The following COA1 variants were observed in gnomAD, a reference collection of about 807,000 sequenced individuals.
COA1 encodes cytochrome c oxidase assembly factor 1 homolog.
In COA1, 13 loss-of-function variants were observed where a neutral mutation model predicts 16.0. That is an observed-to-expected ratio of 0.81 (90% CI 0.53 to 1.29). The LOEUF (loss-of-function observed/expected upper bound fraction) is 1.29, where lower values mean the gene tolerates loss of function less well. COA1 is among the 50% of genes most tolerant of loss of function. COA1 has a pLI of 0.00. For missense variants in COA1, 179 were observed against 177.0 expected, an observed-to-expected ratio of 1.01 and a Z score of -0.06; for synonymous variants, 65 against 65.7, an observed-to-expected ratio of 0.99 and a Z score of 0.05.
intron 1 of COA1, 37 bp from the exon 2 acceptor site, chr7:43,648,689 T>G: frequency 6.6e-7 from 1 of 1,523,120 alleles, no homozygotes; most frequent in Non-Finnish European, 9.1e-7. Context: ...AAATCATATT[T>G]TTAAAGCCCA....
chr7:43,708,774 C>T (rs1435766082), intron 1 of COA1, among the ~76,000 whole-genome samples: 2 of 152,060 alleles, frequency 1.3e-5, no homozygotes, highest in South Asian at 2.1e-4. Context: ...ATTCTACTGG[C>T]CTTTTTCTCA....
At chr7:43,684,872 G>C (rs1198681525) in intron 1 of COA1, among the ~76,000 whole-genome samples, 1 of 152,148 alleles carries the variant, frequency 6.6e-6, no homozygotes, top group Non-Finnish European at 1.5e-5. Flanking sequence ...GACAGACTGA[G>C]CTCTGAAGAA....
chr7:43,660,895 A>T (rs1293862860), intron 1 of COA1, among the ~76,000 whole-genome samples: 1 of 152,142 alleles, frequency 6.6e-6, no homozygotes, highest in African/African-American at 2.4e-5. Context: ...TCCTATTCAG[A>T]ATAAAATCTA....
At chr7:43,624,664 C>G in intron 6 of COA1, 1 of 1,614,008 alleles carries the variant, frequency 6.2e-7, no homozygotes. Flanking sequence ...AATTCGGATA[C>G]CGACAAATCA....
chr7:43,611,678 T>C (rs947013115), intron 6 of COA1, among the ~76,000 whole-genome samples: 1 of 152,210 alleles, frequency 6.6e-6, no homozygotes, highest in Non-Finnish European at 1.5e-5. Flanking sequence ...GCTAATACTT[T>C]AAGTATTAGC....
Position 43,661,068 on chromosome 7 carries a change from A to G in COA1, c.-38-12416T>C, listed in dbSNP as rs549509862. On this transcript the variant is annotated intron_variant, in intron 1 of 5. Coordinates refer to ENST00000223336, the MANE Select transcript of COA1 (RefSeq NM_018224.4). ...TAACCACCCTTTAAGTCTCAGCTCA[A>G]ATGCTAATTTTAGTGTTAGAAGAGG... Among the ~76,000 whole-genome samples the G allele has an allele frequency of 3.9e-5, 6 of 152,318 alleles. No individual in the cohort carries two copies. The East Asian group carries it at 1.2e-3, about 29-fold the overall frequency.
intron 6 of COA1, chr7:43,626,754 A>G (rs1050190743): frequency 6.6e-6 from 1 of 152,202 alleles, no homozygotes; most frequent in Non-Finnish European, 1.5e-5. Flanking sequence ...TTTAAAAACC[A>G]TTTTATACTC....
chr7:43,646,712 T>C, intron 3 of COA1: 1 of 432,586 alleles, frequency 2.3e-6, no homozygotes, highest in Non-Finnish European at 4.7e-6. Context: ...GAATCATTCC[T>C]GGGAACGCTC....
intron 1 of COA1, among the ~76,000 whole-genome samples, chr7:43,712,185 T>C (rs1563456371): frequency 6.6e-6 from 1 of 152,102 alleles, no homozygotes; most frequent in African/African-American, 2.4e-5. Flanking sequence ...CAATCTCGGC[T>C]CACTGCAACC....
Position 43,717,221 on chromosome 7 carries a change from A to G in COA1, c.-39+12208T>C, listed in dbSNP as rs182454486. 4.7e-3 allele frequency among the ~76,000 whole-genome samples: 717 copies of G among 152,298 alleles called. 4 individuals are homozygous for G. Among genetic ancestry groups the G allele is most frequent in the Non-Finnish European group, 8.6e-3 (583 of 68,030 alleles). On this transcript the variant is annotated intron_variant, in intron 1 of 5. Transcript: ENST00000223336. ...AATGGTAGATCCACTGACAGCTTGC[A>G]CCATCCACCTGGAAAAGTCACAGAC... is the stretch of plus-strand genomic sequence containing the variant.
intron 1 of COA1, among the ~76,000 whole-genome samples, chr7:43,667,248 T>G (rs749503723): frequency 2.0e-5 from 3 of 152,172 alleles, no homozygotes; most frequent in Non-Finnish European, 2.9e-5. Context: ...AAAATCAAAC[T>G]TCAAGTTTCA....
chr7:43,645,049 C>T (rs10244171), intron 4 of COA1, among the ~76,000 whole-genome samples: 22,269 of 151,902 alleles, frequency 0.15, 2,173 homozygotes, highest in Non-Finnish European at 0.21. Flanking sequence ...GAAAAGTATA[C>T]AGAAATATCT....
chr7:43,717,293 G>A (rs1479281154), intron 1 of COA1, among the ~76,000 whole-genome samples: 1 of 152,176 alleles, frequency 6.6e-6, no homozygotes, highest in African/African-American at 2.4e-5. Flanking sequence ...GCTATGCCCT[G>A]CAAAGCCACA....
intron 6 of COA1, among the ~76,000 whole-genome samples, chr7:43,616,128 G>C (rs2083318546): frequency 6.6e-6 from 1 of 152,148 alleles, no homozygotes; most frequent in Non-Finnish European, 1.5e-5. Context: ...AAAAAATGAG[G>C]AAATCTTTTT....
rs1769355444 is a variant in COA1 at position 43,659,450 on chromosome 7, T to C, written c.-38-10798A>G. The stretch of plus-strand genomic sequence containing the variant: ...TTCAAGGCCATTCTCTTGTAGATTT[T>C]AAACCACAGCAAGAAGGTATTCAGT... On this transcript the variant is annotated intron_variant, in intron 1 of 5. Coordinates refer to ENST00000223336, the MANE Select transcript of COA1 (RefSeq NM_018224.4). Among the ~76,000 whole-genome samples, 5 of 152,216 alleles carry C rather than the reference T, an allele frequency of 3.3e-5. No individual in the cohort carries two copies. The South Asian group carries it at 1.0e-3, about 32-fold the overall frequency.
intron 1 of COA1, among the ~76,000 whole-genome samples, chr7:43,726,237 A>G (rs904499130): frequency 1.4e-4 from 22 of 152,202 alleles, no homozygotes; most frequent in African/African-American, 5.1e-4. Context: ...GCAGAGAGAC[A>G]GGGAGGCAAC....
rs75017852 is a variant in COA1 at position 43,640,605 on chromosome 7, G to A, written c.309C>T (p.Tyr103=). ...AGGGGCCACCTCTGGATGAGTGGAC[G>A]TAGAGAAGGCCCTCTGATTTGGATC... The part of the protein sequence containing the change: ...VSGSKSEGLL[Y]VHSSRGGPFQ... Residue 103 remains tyrosine (Y), a synonymous_variant, in exon 5 of 6, where the codon TAC becomes TAT. Transcript: ENST00000223336. 3.9e-4 allele frequency: 629 copies of A among 1,608,630 alleles called. No homozygotes were observed. The highest frequency in any genetic ancestry group is 4.8e-4 in the Non-Finnish European group (571 of 1,177,842).
rs765193246 is a variant in COA1, at chr7:43,640,635, G to A, written c.279C>T (p.Val93=). 4.4e-6 allele frequency: 7 copies of A among 1,605,480 alleles called. No homozygotes were observed. The highest frequency in any genetic ancestry group is 5.9e-6 in the Non-Finnish European group (7 of 1,176,490). ...GAAGGCCCTCTGATTTGGATCCAGA[G>A]ACAGGAATCTTCAACTGTGGGTGTA... The part of the protein sequence containing the change: ...DIVDAKLKIP[V]SGSKSEGLLY... Residue 93 remains valine (V), a synonymous_variant, in exon 5 of 6, where the codon GTC becomes GTT. Transcript: ENST00000223336.
At chr7:43,637,558 G>A (rs1754065769), downstream of COA1, among the ~76,000 whole-genome samples, 1 of 152,166 alleles carries the variant, frequency 6.6e-6, no homozygotes, top group Non-Finnish European at 1.5e-5. Flanking sequence ...GAGTCACAGT[G>A]ATGAATGGAT....
Sources: gnomAD v4.1 joint callset for allele counts (sites outside exome capture counted in the v4.1 genomes callset) on GRCh38, gnomAD v4.1.1 for gene constraint, MANE v1.5 for transcripts, NCBI Gene and HGNC (gene_info 2026-07-23, HGNC 2026-07-21) for gene names.